The following SLIT1 variants were observed in gnomAD, a reference collection of about 807,000 sequenced individuals.
SLIT1 encodes slit guidance ligand 1.
In SLIT1, 66 loss-of-function variants were observed where a neutral mutation model predicts 186.1. The observed-to-expected ratio is 0.35, with a 90% CI of 0.29 to 0.44. The LOEUF (loss-of-function observed/expected upper bound fraction) is 0.44, where lower values mean the gene tolerates loss of function less well. SLIT1 is among the 20% of genes least tolerant of loss of function. The probability of loss-of-function intolerance (pLI) is 1.00; values close to 1 mark genes in which losing one functional copy is unlikely to be tolerated. For synonymous variants in SLIT1, 761 were observed against 833.8 expected (o/e 0.91, Z 1.50); for missense variants, 1,638 against 2,037.4 (o/e 0.80, Z 3.77).
intron 4 of SLIT1, among the ~76,000 whole-genome samples, chr10:97,124,384 C>T (rs878940142): frequency 2.0e-5 from 3 of 152,200 alleles, no homozygotes; most frequent in Admixed American, 2.0e-4. Flanking sequence ...CATGCTCCTC[C>T]TCAGCACGGT....
rs1206850383 is a variant in SLIT1 at position 97,030,844 on chromosome 10, G to A, written c.2511-16C>T. The A allele has an allele frequency of 6.2e-7, 1 of 1,611,264 alleles. No homozygotes were observed. The highest frequency in any genetic ancestry group is 8.5e-7 in the Non-Finnish European group (1 of 1,177,746). On this transcript the variant is annotated splice_polypyrimidine_tract_variant and intron_variant, in intron 24 of 36. Coordinates refer to ENST00000266058, the MANE Select transcript of SLIT1 (RefSeq NM_003061.3). Reference sequence around the variant, plus strand: ...GTGGAGAGACCTGAGAAGGGAAGAGGCTGCTGGTGCCTTATCCAGGGACAG... The same window carrying A: ...GTGGAGAGACCTGAGAAGGGAAGAGACTGCTGGTGCCTTATCCAGGGACAG...
chr10:97,067,911 C>T (rs1472849751), intron 4 of SLIT1, among the ~76,000 whole-genome samples: 1 of 152,170 alleles, frequency 6.6e-6, no homozygotes, highest in Non-Finnish European at 1.5e-5. Context: ...GCCCCCTGCC[C>T]CGCCGCACAC....
intron 4 of SLIT1, among the ~76,000 whole-genome samples, chr10:97,090,724 T>C (rs2134662909): frequency 2.0e-5 from 3 of 152,320 alleles, no homozygotes; most frequent in Admixed American, 2.0e-4. Flanking sequence ...AACAGCTCCC[T>C]TCACTGAGTG....
At chr10:97,067,171 G>C (rs1848955640) in intron 4 of SLIT1, among the ~76,000 whole-genome samples, 1 of 152,232 alleles carries the variant, frequency 6.6e-6, no homozygotes, top group Non-Finnish European at 1.5e-5. Context: ...CACGCAAGGG[G>C]CTGGGATCAC....
intron 4 of SLIT1, among the ~76,000 whole-genome samples, chr10:97,106,719 C>A (rs2134675876): frequency 6.6e-6 from 1 of 152,124 alleles, no homozygotes; most frequent in Non-Finnish European, 1.5e-5. Context: ...GGGATCAGCC[C>A]CAAGGCTATG....
chr10:97,163,303 C>CT (rs1215031083), intron 3 of SLIT1, 77 bp downstream of exon 3: 24 of 1,301,134 alleles, frequency 1.8e-5, no homozygotes, highest in Non-Finnish European at 2.2e-5. Context: ...CCCCTCATCC[C>CT]TGGCAGCAGC....
At chr10:97,137,415 A>G (rs1849713120) in intron 4 of SLIT1, among the ~76,000 whole-genome samples, 1 of 152,226 alleles carries the variant, frequency 6.6e-6, no homozygotes, top group Non-Finnish European at 1.5e-5. Context: ...CATATTCTAA[A>G]TACAGGATGA....
chr10:97,048,886 A>C, intron 14 of SLIT1, 69 bp downstream of exon 14: 1 of 1,380,130 alleles, frequency 7.2e-7, no homozygotes, highest in South Asian at 1.2e-5. Context: ...CAGGTGGACA[A>C]GTAGGCCGGT....
intron 13 of SLIT1, among the ~76,000 whole-genome samples, chr10:97,055,957 A>G (rs571487204): frequency 1.3e-5 from 2 of 152,218 alleles, no homozygotes; most frequent in South Asian, 4.1e-4. Flanking sequence ...ATATATTATC[A>G]TCATCATCAC....
chr10:97,179,758 G>A (rs1476305919), intron 1 of SLIT1, among the ~76,000 whole-genome samples: 2 of 151,264 alleles, frequency 1.3e-5, no homozygotes, highest in East Asian at 1.9e-4. Flanking sequence ...AGAGGAGGGG[G>A]TCATGAGCTC....
At chr10:97,017,153 G>A (rs1848460964) in intron 28 of SLIT1, among the ~76,000 whole-genome samples, 1 of 152,214 alleles carries the variant, frequency 6.6e-6, no homozygotes, top group African/African-American at 2.4e-5. Flanking sequence ...GGGTGAAGGG[G>A]GTGTCCTTTC....
At chr10:97,061,135 G>T (rs1848890548) in intron 8 of SLIT1, among the ~76,000 whole-genome samples, 1 of 152,164 alleles carries the variant, frequency 6.6e-6, no homozygotes, top group South Asian at 2.1e-4. Flanking sequence ...CTCCCATGAG[G>T]GTGATAATGT....
At chr10:97,143,094 A>G (rs894377879) in intron 4 of SLIT1, among the ~76,000 whole-genome samples, 2 of 152,272 alleles carry the variant, frequency 1.3e-5, no homozygotes, top group African/African-American at 4.8e-5. Flanking sequence ...AAAATTAAAA[A>G]TAGAACTGCC....
In SLIT1 at chr10:97,060,720, G is replaced by A. The variant is rs767785204; in HGVS notation, c.861C>T (p.Thr287=). The A allele has an allele frequency of 1.9e-6, 3 of 1,613,844 alleles. No homozygotes were observed. In the Admixed American group the frequency reaches 5.0e-5, roughly 27 times the overall value. The change falls in exon 9 of 37, where the codon ACC becomes ACT. Residue 287 remains threonine (T), a synonymous_variant. Transcript: ENST00000266058. ...LSSGSCPAMC[T]CSNGIVDCRG... ...GACAGTCCACGATGCCATTGCTGCA[G>A]GTGCACATGGCCGGGCAGGAGCCGG...
At chr10:97,073,826 G>A (rs1026400917) in intron 4 of SLIT1, among the ~76,000 whole-genome samples, 4 of 152,076 alleles carry the variant, frequency 2.6e-5, no homozygotes, top group Admixed American at 6.5e-5. Flanking sequence ...GATGGAAAGC[G>A]GCACTTATGT....
intron 4 of SLIT1, among the ~76,000 whole-genome samples, chr10:97,104,675 A>G (rs2134674077): frequency 6.6e-6 from 1 of 151,964 alleles, no homozygotes; most frequent in South Asian, 2.1e-4. Flanking sequence ...GCCCAGCTAC[A>G]GCCTCCCTCT....
At chr10:97,056,532 G>A in intron 12 of SLIT1, 68 bp from the exon 13 acceptor site, 2 of 1,544,568 alleles carry the variant, frequency 1.3e-6, no homozygotes, top group Non-Finnish European at 1.8e-6. Flanking sequence ...CAGGTCCTGG[G>A]CACCTTCTTC....
chr10:97,038,750 G>A (rs1848664132), intron 21 of SLIT1, among the ~76,000 whole-genome samples: 1 of 152,168 alleles, frequency 6.6e-6, no homozygotes, highest in African/African-American at 2.4e-5. Flanking sequence ...AAGGAGGGCT[G>A]TGCTCATCCT....
In SLIT1 at chr10:97,140,035, C is replaced by T. The variant is rs118021946; in HGVS notation, c.413+17783G>A. ...CTCTTCCTCTCTGTCTTTCCAGGGG[C>T]CTTGCAGGGTGATGAAACCCCAGCA... On this transcript the variant is annotated intron_variant, in intron 4 of 36. Transcript: ENST00000266058. Among the ~76,000 whole-genome samples the T allele has an allele frequency of 3.8e-4, 58 of 152,258 alleles. No individual in the cohort carries two copies. The East Asian group carries it at 0.01, about 27-fold the overall frequency.
Sources: gnomAD v4.1 joint callset for allele counts (sites outside exome capture counted in the v4.1 genomes callset) on GRCh38, gnomAD v4.1.1 for gene constraint, MANE v1.5 for transcripts, NCBI Gene and HGNC (gene_info 2026-07-23, HGNC 2026-07-21) for gene names.